The following NCKAP5 variants were observed in gnomAD, a reference collection of about 807,000 sequenced individuals.
NCKAP5 encodes the protein NCK associated protein 5.
Under a neutral mutation model 167.0 loss-of-function variants are expected in NCKAP5, and 92 were observed. The observed-to-expected ratio is 0.55, with a 90% confidence interval of 0.47 to 0.66. The LOEUF is 0.66. NCKAP5 is among the 30% of genes least tolerant of loss of function. The pLI, the probability that NCKAP5 is intolerant of heterozygous loss-of-function variation, is 0.00. For missense variants in NCKAP5, 2,378 were observed against 2,315.0 expected, an observed-to-expected ratio of 1.03 and a Z score of -0.56; for synonymous variants, 891 against 877.4, an observed-to-expected ratio of 1.02 and a Z score of -0.27.
intron 16 of NCKAP5, among the ~76,000 whole-genome samples, chr2:132,756,469 C>T (rs1219255393): frequency 1.3e-5 from 2 of 152,100 alleles, no homozygotes; most frequent in Non-Finnish European, 2.9e-5. Flanking sequence ...AGCATTTTGA[C>T]AGAACCCAAA....
chr2:132,702,505 G>A (rs1687982532), intron 19 of NCKAP5, among the ~76,000 whole-genome samples: 1 of 152,098 alleles, frequency 6.6e-6, no homozygotes, highest in South Asian at 2.1e-4. Flanking sequence ...CTTGGAGACT[G>A]GAGTTCCCAA....
At chr2:133,655,400 A>G in the NCKAP5 span, among the ~76,000 whole-genome samples, 2 of 152,258 alleles carry the variant, frequency 1.3e-5, no homozygotes, top group Non-Finnish European at 2.9e-5. Flanking sequence ...ACTAGGACCA[A>G]GGAGTGATAT....
intron 4 of NCKAP5, among the ~76,000 whole-genome samples, chr2:133,280,788 C>T (rs930137320): frequency 7.2e-5 from 11 of 152,264 alleles, no homozygotes; most frequent in African/African-American, 2.4e-4. Flanking sequence ...TGTTCACTTA[C>T]GTATCCTTTG....
At chr2:133,608,967 C>T in the NCKAP5 span, among the ~76,000 whole-genome samples, 1 of 152,196 alleles carries the variant, frequency 6.6e-6, no homozygotes, top group African/African-American at 2.4e-5. Context: ...CATGTATTTT[C>T]AAGTCTTGAT....
chr2:132,956,282 T>C (rs2076341190), intron 8 of NCKAP5, among the ~76,000 whole-genome samples: 1 of 152,224 alleles, frequency 6.6e-6, no homozygotes, highest in Non-Finnish European at 1.5e-5. Context: ...GAACTGGACC[T>C]AAGTTGTTTT....
At chr2:133,370,122 A>G (rs959039264) in intron 3 of NCKAP5, among the ~76,000 whole-genome samples, 8 of 152,234 alleles carry the variant, frequency 5.3e-5, no homozygotes, top group African/African-American at 1.9e-4. Context: ...GGGGGAAGAC[A>G]GGAGACCTTA....
intron 3 of NCKAP5, among the ~76,000 whole-genome samples, chr2:133,464,400 A>C (rs1692404011): frequency 6.6e-6 from 1 of 151,000 alleles, no homozygotes; most frequent in Admixed American, 6.6e-5. Context: ...TGAATAAATA[A>C]AATAAATGGG....
intron 3 of NCKAP5, among the ~76,000 whole-genome samples, chr2:133,383,260 C>T (rs1055384012): frequency 3.9e-5 from 6 of 152,244 alleles, no homozygotes; most frequent in Admixed American, 1.3e-4. Flanking sequence ...GTTCCCCTTC[C>T]TGTATCCAAG....
intron 11 of NCKAP5, among the ~76,000 whole-genome samples, chr2:132,828,684 A>T (rs1397737866): frequency 2.0e-5 from 3 of 152,194 alleles, no homozygotes; most frequent in African/African-American, 7.2e-5. Flanking sequence ...GACCACAAGG[A>T]GTGTACAACA....
chr2:132,805,908 T>A (rs1685395156), intron 11 of NCKAP5, among the ~76,000 whole-genome samples: 1 of 152,142 alleles, frequency 6.6e-6, no homozygotes, highest in African/African-American at 2.4e-5. Flanking sequence ...ATATTTGTCA[T>A]CTTTTATCCC....
At chr2:132,843,194 GTATATGGCTATTATATCA>G (rs1212172991) in intron 11 of NCKAP5, among the ~76,000 whole-genome samples, 4 of 152,066 alleles carry the variant, frequency 2.6e-5, no homozygotes, top group Non-Finnish European at 4.4e-5. Flanking sequence ...GCAGTGGTTT[GTATATGGCTATTATATCA>G]AGATTAGTGA....
the NCKAP5 span, among the ~76,000 whole-genome samples, chr2:133,643,722 C>A: frequency 6.6e-6 from 1 of 152,146 alleles, no homozygotes; most frequent in African/African-American, 2.4e-5. Context: ...ATGTGGTACC[C>A]AAAACCCTCC....
At chr2:133,236,835 A>G (rs2087444615) in intron 4 of NCKAP5, among the ~76,000 whole-genome samples, 1 of 152,200 alleles carries the variant, frequency 6.6e-6, no homozygotes. Flanking sequence ...GGCTTCAATT[A>G]TGAAGCTGTC....
intron 5 of NCKAP5, among the ~76,000 whole-genome samples, chr2:133,158,237 T>C (rs893045720): frequency 1.3e-5 from 2 of 152,210 alleles, no homozygotes; most frequent in African/African-American, 4.8e-5. Flanking sequence ...TGTTCTTTGA[T>C]CTCAGTATAT....
intron 6 of NCKAP5, among the ~76,000 whole-genome samples, chr2:133,052,583 T>C (rs956315843): frequency 2.0e-5 from 3 of 151,886 alleles, no homozygotes; most frequent in Admixed American, 2.0e-4. Flanking sequence ...TTGGGTGTGG[T>C]GGTGGGCACC....
intron 19 of NCKAP5, among the ~76,000 whole-genome samples, chr2:132,687,832 C>G (rs1686168387): frequency 6.6e-6 from 1 of 151,994 alleles, no homozygotes; most frequent in Non-Finnish European, 1.5e-5. Context: ...GAATCACCCC[C>G]TCACAAAAAT....
intron 4 of NCKAP5, among the ~76,000 whole-genome samples, chr2:133,226,005 A>C (rs547734395): frequency 6.6e-6 from 1 of 151,852 alleles, no homozygotes; most frequent in Non-Finnish European, 1.5e-5. Context: ...GATGGTCTCA[A>C]TCTCTTGACC....
At chr2:133,197,129 G>A (rs2085471797) in intron 5 of NCKAP5, among the ~76,000 whole-genome samples, 1 of 152,136 alleles carries the variant, frequency 6.6e-6, no homozygotes, top group African/African-American at 2.4e-5. Context: ...GCTCCAATGA[G>A]GCTAAAAATG....
At chr2:133,308,723 A>T (rs1680997036) in intron 3 of NCKAP5, among the ~76,000 whole-genome samples, 1 of 75,830 alleles carries the variant, frequency 1.3e-5, no homozygotes, top group African/African-American at 5.4e-5. Context: ...TTTTTTTGAG[A>T]CGGAGTCTTG....
Sources: gnomAD v4.1 joint callset for allele counts (sites outside exome capture counted in the v4.1 genomes callset) on GRCh38, gnomAD v4.1.1 for gene constraint, MANE v1.5 for transcripts, NCBI Gene and HGNC (gene_info 2026-07-23, HGNC 2026-07-21) for gene names.